The following KTN1 variants were observed in gnomAD, a reference collection of about 807,000 sequenced individuals.
KTN1 encodes kinectin.
A neutral mutation model predicts 222.5 loss-of-function variants in KTN1; 130 were observed. That is an observed-to-expected ratio of 0.58 (90% CI 0.51 to 0.68). The LOEUF (loss-of-function observed/expected upper bound fraction) is 0.68. Among genes scored for constraint, KTN1 ranks in the 30% least tolerant of loss-of-function variants. The pLI is 0.00. For missense variants in KTN1, 1,508 were observed against 1,500.4 expected (o/e 1.01, Z -0.08); for synonymous variants, 512 against 496.3 (o/e 1.03, Z -0.42).
At chr14:55,615,200 A>G (rs2038170181) in intron 2 of KTN1, among the ~76,000 whole-genome samples, 1 of 152,186 alleles carries the variant, frequency 6.6e-6, no homozygotes, top group African/African-American at 2.4e-5. Flanking sequence ...AAATTACAGC[A>G]TGAAATTTAC....
intron 1 of KTN1, among the ~76,000 whole-genome samples, chr14:55,599,304 A>C (rs1035332127): frequency 6.6e-6 from 1 of 151,490 alleles, no homozygotes; most frequent in Non-Finnish European, 1.5e-5. Context: ...TGTATGTGCT[A>C]CTCTTGTTTA....
chr14:55,608,545 T>G (rs1245217567), intron 1 of KTN1, among the ~76,000 whole-genome samples: 1 of 152,258 alleles, frequency 6.6e-6, no homozygotes, highest in African/African-American at 2.4e-5. Context: ...TACCTATACT[T>G]TGAGTTGATA....
rs189776742 is a variant in KTN1 at position 55,651,480 on chromosome 14, A to T, written c.2566-410A>T. ...CTGGGATGGAGAAGAGCTCTGATAC[A>T]GTAGGGAGGTGTGTGGAGAGTTAAT... On this transcript the variant is annotated intron_variant, in intron 24 of 43. Transcript: ENST00000395314. 4.8e-5 allele frequency: 20 copies of T among 415,102 alleles called. No individual in the cohort carries two copies. In the East Asian group the frequency reaches 1.4e-3, roughly 29 times the overall value. 25.7% of individuals were successfully genotyped at this position (415,102 alleles called of 1,614,324 possible). A position where few individuals can be genotyped will look rare whatever the true frequency, so the allele number is the denominator to read the frequency against.
chr14:55,648,936 A>G, intron 21 of KTN1, 66 bp downstream of exon 21: 1 of 1,129,128 alleles, frequency 8.9e-7, no homozygotes, highest in East Asian at 2.4e-5. Flanking sequence ...GTTGTTTTTA[A>G]ATTAAAAGAA....
chr14:55,605,678 C>G (rs1269106343), intron 1 of KTN1, among the ~76,000 whole-genome samples: 1 of 152,152 alleles, frequency 6.6e-6, no homozygotes, highest in African/African-American at 2.4e-5. Flanking sequence ...AAGACTCTTG[C>G]CTTCCATTTT....
At chr14:55,679,502 G>A in intron 42 of KTN1, 63 bp from the exon 43 acceptor site, 3 of 1,372,582 alleles carry the variant, frequency 2.2e-6, no homozygotes, top group African/African-American at 1.5e-5. Context: ...ATTTTCTGTT[G>A]TTTGGTTTTA....
intron 1 of KTN1, among the ~76,000 whole-genome samples, chr14:55,598,740 G>GT (rs2035488516): frequency 6.6e-6 from 1 of 152,174 alleles, no homozygotes; most frequent in Admixed American, 6.5e-5. Context: ...TAAGTACTAT[G>GT]TAAGTCTAAA....
chr14:55,634,391 C>T, intron 8 of KTN1, 135 bp from the exon 9 acceptor site: 1 of 590,968 alleles, frequency 1.7e-6, no homozygotes, highest in Non-Finnish European at 2.8e-6. Flanking sequence ...TGTTAGTAGT[C>T]ACTTGTGTTC....
At chr14:55,596,180 A>G (rs933123448) in intron 1 of KTN1, among the ~76,000 whole-genome samples, 6 of 150,560 alleles carry the variant, frequency 4.0e-5, no homozygotes, top group African/African-American at 1.2e-4. Context: ...AAAAGTAAAA[A>G]TAAAATAAAT....
rs1363666740 is a variant in KTN1 at position 55,640,370 on chromosome 14, C to T, written c.1915-4C>T. 3.2e-6 allele frequency: 5 copies of T among 1,571,424 alleles called. No individual in the cohort carries two copies. The highest frequency in any genetic ancestry group is 4.5e-5 in the East Asian group (2 of 44,444). On this transcript the variant is annotated splice_region_variant and splice_polypyrimidine_tract_variant and intron_variant, in intron 14 of 43. Transcript: ENST00000395314. ...ATTTTAAATGCTATTTTTCCTTGTT[C>T]TAGGATATACAGAATATGAATTTCT... is the stretch of plus-strand genomic sequence containing the variant.
intron 1 of KTN1, among the ~76,000 whole-genome samples, chr14:55,593,308 C>T (rs2034453670): frequency 6.6e-6 from 1 of 151,820 alleles, no homozygotes; most frequent in Admixed American, 6.6e-5. Context: ...AAATTTCTTG[C>T]TATGTTTTGG....
chr14:55,652,247 A>G (rs904619278), intron 25 of KTN1, among the ~76,000 whole-genome samples: 1 of 152,126 alleles, frequency 6.6e-6, no homozygotes, highest in Non-Finnish European at 1.5e-5. Context: ...AAGTTTTCCA[A>G]ATTTGTTTGT....
chr14:55,639,619 C>T (rs1451454387), intron 13 of KTN1, among the ~76,000 whole-genome samples: 4 of 151,506 alleles, frequency 2.6e-5, no homozygotes, highest in Middle Eastern at 3.4e-3. Context: ...TTTTTTGTGC[C>T]GTATAATTTT....
At chr14:55,581,364 CTG>C (rs2031567611) in intron 1 of KTN1, among the ~76,000 whole-genome samples, 1 of 152,224 alleles carries the variant, frequency 6.6e-6, no homozygotes, top group African/African-American at 2.4e-5. Flanking sequence ...AAATTCAGAA[CTG>C]TGTTGGCAAA....
At chr14:55,631,718 A>C (rs1280393731) in intron 7 of KTN1, among the ~76,000 whole-genome samples, 1 of 152,114 alleles carries the variant, frequency 6.6e-6, no homozygotes, top group African/African-American at 2.4e-5. Flanking sequence ...ATGAGGTTGC[A>C]GTGAGCCATG....
intron 1 of KTN1, among the ~76,000 whole-genome samples, chr14:55,586,578 G>A (rs374210299): frequency 3.9e-5 from 6 of 152,090 alleles, no homozygotes; most frequent in Non-Finnish European, 7.4e-5. Flanking sequence ...ATTCTTACCC[G>A]TTGAGCTGTT....
chr14:55,675,129 A>T (rs2045782565), intron 40 of KTN1: 1 of 152,180 alleles, frequency 6.6e-6, no homozygotes, highest in Non-Finnish European at 1.5e-5. Context: ...ATGGGTGGGA[A>T]GCAAAAACAA....
chr14:55,658,022 A>G (rs1033070249), intron 29 of KTN1, among the ~76,000 whole-genome samples: 1 of 152,220 alleles, frequency 6.6e-6, no homozygotes, highest in Non-Finnish European at 1.5e-5. Flanking sequence ...TAACAATAAC[A>G]TTGTAACCAT....
chr14:55,594,855 G>C (rs532860633), intron 1 of KTN1, among the ~76,000 whole-genome samples: 1 of 152,344 alleles, frequency 6.6e-6, no homozygotes, highest in South Asian at 2.1e-4. Flanking sequence ...AAGAAGATTT[G>C]ATAGTGGATG....
Sources: allele counts gnomAD v4.1 joint callset (sites outside exome capture counted in the v4.1 genomes callset), GRCh38; gene constraint gnomAD v4.1.1; transcripts MANE v1.5; gene names NCBI Gene and HGNC (gene_info 2026-07-23, HGNC 2026-07-21).